The following GPR83 variants were observed in gnomAD, a reference collection of about 807,000 sequenced individuals.
The protein encoded by GPR83 is G-protein coupled receptor 72.
In GPR83, 23 loss-of-function variants were observed where a neutral mutation model predicts 28.0. The observed-to-expected ratio is 0.82, with a 90% CI of 0.59 to 1.16. The LOEUF (loss-of-function observed/expected upper bound fraction) is 1.16. GPR83 is among the 50% of genes most tolerant of loss of function. GPR83 has a pLI of 0.00. For missense variants in GPR83, 610 were observed against 536.6 expected (o/e 1.14, Z -1.35); for synonymous variants, 234 against 215.4 (o/e 1.09, Z -0.76).
intron 3 of GPR83, among the ~76,000 whole-genome samples, chr11:94,384,521 AT>A (rs1281368075): frequency 6.6e-6 from 1 of 152,184 alleles, no homozygotes; most frequent in Admixed American, 6.5e-5. Flanking sequence ...CACACAAAGC[AT>A]GAGCCGAAGC....
rs1944715736 is a variant in GPR83, at chr11:94,383,583, A to G, written c.648-2810T>C. 5.9e-5 allele frequency among the ~76,000 whole-genome samples: 9 copies of G among 152,264 alleles called. No homozygotes were observed. The South Asian group carries it at 1.9e-3, about 32-fold the overall frequency. ...AAAAGATCAACAAACTTGATAGACC[A>G]CTAGAAGACTAATAAAGAAGAAAAG... On this transcript the variant is annotated intron_variant, in intron 3 of 3. Coordinates refer to ENST00000243673, the MANE Select transcript of GPR83 (RefSeq NM_016540.4).
At chr11:94,392,188 C>T (rs1944823441) in intron 3 of GPR83, among the ~76,000 whole-genome samples, 1 of 151,998 alleles carries the variant, frequency 6.6e-6, no homozygotes, top group Non-Finnish European at 1.5e-5. Context: ...ATGGATGAAG[C>T]TGGAAACCAT....
chr11:94,380,349 C>G lies in GPR83; in HGVS notation c.1072G>C (p.Ala358Pro), dbSNP rs545667817. ...GGTCTTTGACACATGCTCAGTAATG[C>G]CTTTAGCTCAATCCTGAAGTTCTCG... ...LNENFRIELK[A>P]LLSMCQRPPK... Residue 358 changes from alanine (A) to proline (P), a missense_variant, in exon 4 of 4, where the codon GCA becomes CCA. By Grantham distance (27) the Ala-to-Pro change is conservative. Coordinates refer to ENST00000243673, the MANE Select transcript of GPR83 (RefSeq NM_016540.4). The G allele has an allele frequency of 9.3e-6, 15 of 1,613,662 alleles. 1 individual carries two copies. In the Middle Eastern group the frequency reaches 6.6e-4, roughly 71 times the overall value.
At chr11:94,389,861 A>G (rs1944797918) in intron 3 of GPR83, among the ~76,000 whole-genome samples, 1 of 152,202 alleles carries the variant, frequency 6.6e-6, no homozygotes, top group Non-Finnish European at 1.5e-5. Context: ...CTATAAAGAC[A>G]CATGCAGACG....
At chr11:94,394,366 C>T (rs1015824510) in intron 2 of GPR83, among the ~76,000 whole-genome samples, 2 of 152,222 alleles carry the variant, frequency 1.3e-5, no homozygotes, top group Non-Finnish European at 2.9e-5. Context: ...AGCTCTCACA[C>T]ACCTACAATA....
intron 2 of GPR83, among the ~76,000 whole-genome samples, chr11:94,395,691 C>G (rs1210694829): frequency 6.6e-6 from 1 of 152,196 alleles, no homozygotes; most frequent in African/African-American, 2.4e-5. Context: ...CATGAGCTTC[C>G]CATGGGGGCA....
intron 3 of GPR83, 67 bp from the exon 4 acceptor site, chr11:94,380,840 A>G: frequency 7.1e-7 from 1 of 1,410,906 alleles, no homozygotes; most frequent in South Asian, 1.3e-5. Flanking sequence ...GAAAGGCTTC[A>G]TCCCAAGAAG....
At chr11:94,393,916 G>T (rs541209552) in intron 2 of GPR83, among the ~76,000 whole-genome samples, 2 of 152,328 alleles carry the variant, frequency 1.3e-5, no homozygotes, top group South Asian at 4.1e-4. Flanking sequence ...TCATTATTGA[G>T]CCCCTGAGCT....
At chr11:94,381,269 C>A (rs1005553124) in intron 3 of GPR83, among the ~76,000 whole-genome samples, 4 of 152,102 alleles carry the variant, frequency 2.6e-5, no homozygotes, top group African/African-American at 4.8e-5. Flanking sequence ...ATGGAATGCA[C>A]CCCAGTCCTC....
chr11:94,385,744 G>A (rs1381399381), intron 3 of GPR83, among the ~76,000 whole-genome samples: 2 of 152,162 alleles, frequency 1.3e-5, no homozygotes, highest in Admixed American at 6.5e-5. Context: ...AAAGTGACGG[G>A]GAGAATGGAA....
intron 1 of GPR83, among the ~76,000 whole-genome samples, chr11:94,400,011 A>T (rs1329328698): frequency 3.9e-5 from 6 of 152,168 alleles, no homozygotes; most frequent in Non-Finnish European, 5.9e-5. Context: ...CTCAACACAG[A>T]CCTCAAACAC....
intron 3 of GPR83, among the ~76,000 whole-genome samples, chr11:94,383,071 G>A (rs1156933698): frequency 6.6e-6 from 1 of 151,910 alleles, no homozygotes; most frequent in Non-Finnish European, 1.5e-5. Flanking sequence ...GGGAGGCTGA[G>A]GGAGGAGAGG....
intron 1 of GPR83, among the ~76,000 whole-genome samples, chr11:94,397,827 A>T (rs550067750): frequency 2.0e-5 from 3 of 152,328 alleles, no homozygotes; most frequent in African/African-American, 7.2e-5. Flanking sequence ...TTTGGGGAAT[A>T]AGGAGTGGAT....
chr11:94,380,781 C>A lies in GPR83; in HGVS notation c.648-8G>T. ...GAGCGCACAATGTCCTCACTGGGGG[C>A]AGGAAGTGGGGAGGGGGAGAGAGGT... is the stretch of plus-strand genomic sequence containing the variant. On this transcript the variant is annotated splice_region_variant and splice_polypyrimidine_tract_variant and intron_variant, in intron 3 of 3. Transcript: ENST00000243673. 1 of 1,589,404 alleles carries A rather than the reference C, an allele frequency of 6.3e-7. No homozygotes were observed. The highest frequency in any genetic ancestry group is 8.6e-7 in the Non-Finnish European group (1 of 1,166,618).
Position 94,401,279 on chromosome 11 carries a change from G to A in GPR83, c.-32C>T, listed in dbSNP as rs922839679. On this transcript the variant is annotated 5_prime_UTR_variant, in exon 1 of 4. The change creates a premature stop within an existing upstream ORF in the 5' untranslated region. Coordinates refer to ENST00000243673, the MANE Select transcript of GPR83 (RefSeq NM_016540.4). Reference sequence around the variant, plus strand: ...GGAGCCACCCCTCCCCTGGGAGCCTGCGGGCCGGGCGTCCCCTCCCGCTGG... The same window carrying A: ...GGAGCCACCCCTCCCCTGGGAGCCTACGGGCCGGGCGTCCCCTCCCGCTGG... 4.5e-6 allele frequency: 7 copies of A among 1,545,062 alleles called. No homozygotes were observed. Among genetic ancestry groups the A allele is most frequent in the Non-Finnish European group, 6.1e-6 (7 of 1,152,526 alleles).
chr11:94,397,203 C>T lies in GPR83; in HGVS notation c.388-679G>A, dbSNP rs182540691. Reference sequence around the variant, plus strand: ...CAGGTGTGGGGAGAGAAGACAAGCTCCCCAAACCGTGTAGGGCCCTAGAAG... The same window carrying T: ...CAGGTGTGGGGAGAGAAGACAAGCTTCCCAAACCGTGTAGGGCCCTAGAAG... On this transcript the variant is annotated intron_variant, in intron 1 of 3. Coordinates refer to ENST00000243673, the MANE Select transcript of GPR83 (RefSeq NM_016540.4). Among the ~76,000 whole-genome samples, 194 of 152,232 alleles carry T rather than the reference C, an allele frequency of 1.3e-3. 1 individual carries two copies. Among genetic ancestry groups the T allele is most frequent in the Non-Finnish European group, 1.9e-3 (130 of 68,012 alleles).
Position 94,380,236 on chromosome 11 carries a change from G to T in GPR83, c.1185C>A (p.Pro395=). 6.5e-7 allele frequency: 1 copy of T among 1,528,308 alleles called. No homozygotes were observed. Among genetic ancestry groups the T allele is most frequent in the African/African-American group, 1.4e-5 (1 of 72,132 alleles). The allele number at this position is 1,528,308 out of a possible 1,614,324, so 94.7% of individuals were successfully genotyped here. The change falls in exon 4 of 4, where the codon CCC becomes CCA. Residue 395 remains proline (P), a synonymous_variant. Coordinates refer to ENST00000243673, the MANE Select transcript of GPR83 (RefSeq NM_016540.4). ...WTEKNDGQRA[P]LANNLLPTSQ... is the part of the protein sequence containing the mutation. ...AGGTGGGCAGGAGGTTATTGGCAAG[G>T]GGAGCCCTCTGGCCATCATTCTTCT... is the stretch of plus-strand genomic sequence containing the variant.
intron 3 of GPR83, among the ~76,000 whole-genome samples, chr11:94,387,571 A>C (rs1001830340): frequency 1.3e-5 from 2 of 152,220 alleles, no homozygotes; most frequent in Non-Finnish European, 2.9e-5. Context: ...TAAACTAGAA[A>C]ATCTGGAAGA....
At chr11:94,398,477 A>C (rs1944885516) in intron 1 of GPR83, among the ~76,000 whole-genome samples, 1 of 152,122 alleles carries the variant, frequency 6.6e-6, no homozygotes. Flanking sequence ...CTAAGTGTTC[A>C]TCTCAACCCG....
Sources: allele counts gnomAD v4.1 joint callset (sites outside exome capture counted in the v4.1 genomes callset), GRCh38; gene constraint gnomAD v4.1.1; transcripts MANE v1.5; gene names NCBI Gene and HGNC (gene_info 2026-07-23, HGNC 2026-07-21).